The following DMD variants were observed in gnomAD, a reference collection of about 807,000 sequenced individuals.
The protein encoded by DMD is mutant dystrophin.
DMD carries 63 observed loss-of-function variants against 330.1 expected under a neutral mutation model. The observed-to-expected ratio is 0.19, with a 90% CI of 0.16 to 0.24. The LOEUF (loss-of-function observed/expected upper bound fraction) is 0.24, where lower values mean the gene tolerates loss of function less well. Among genes scored for constraint, DMD ranks in the 10% least tolerant of loss-of-function variants. The pLI, the probability that DMD is intolerant of heterozygous loss-of-function variation, is 1.00. For synonymous variants in DMD, 1,223 were observed against 959.8 expected (o/e 1.27, Z -5.07); for missense variants, 3,344 against 2,684.1 (o/e 1.25, Z -5.43).
At chrX:32,791,167 T>G (rs1027179718) in intron 7 of DMD, among the ~76,000 whole-genome samples, 2 of 111,563 alleles carry the variant, frequency 1.8e-5, no homozygotes, top group Non-Finnish European at 3.8e-5. Flanking sequence ...TTGCCCAATC[T>G]GTTGCATCCA....
At chrX:32,318,678 C>A (rs2097594519) in intron 41 of DMD, among the ~76,000 whole-genome samples, 1 of 111,427 alleles carries the variant, frequency 9.0e-6, no homozygotes, top group Admixed American at 9.6e-5. Context: ...TATTCAGAAT[C>A]AATGAACAAT....
At chrX:31,878,613 G>C (rs1446076807) in intron 47 of DMD, among the ~76,000 whole-genome samples, 1 of 112,157 alleles carries the variant, frequency 8.9e-6, no homozygotes, top group Non-Finnish European at 1.9e-5. Context: ...ATAAATGCTT[G>C]TGACTCATGT....
chrX:32,734,751 G>T (rs1275021333), intron 7 of DMD, among the ~76,000 whole-genome samples: 2 of 109,619 alleles, frequency 1.8e-5, no homozygotes, highest in Non-Finnish European at 3.8e-5. Context: ...ATTAGGTATT[G>T]ACGGGACATA....
At chrX:32,820,129 G>T (rs1195233372) in intron 5 of DMD, among the ~76,000 whole-genome samples, 1 of 112,166 alleles carries the variant, frequency 8.9e-6, no homozygotes, top group Non-Finnish European at 1.9e-5. Context: ...CATTGCAAAA[G>T]CGCCTCCACA....
intron 7 of DMD, among the ~76,000 whole-genome samples, chrX:32,705,997 C>A (rs1451870122): frequency 9.2e-6 from 1 of 108,618 alleles, no homozygotes; most frequent in Non-Finnish European, 1.9e-5. Context: ...CAATGATAGA[C>A]TGGATTAAGA....
chrX:32,779,272 A>G (rs2074472000), intron 7 of DMD, among the ~76,000 whole-genome samples: 1 of 109,050 alleles, frequency 9.2e-6, no homozygotes, highest in Admixed American at 9.9e-5. Context: ...ACAGAGAGTC[A>G]TTACTAGATG....
intron 16 of DMD, among the ~76,000 whole-genome samples, chrX:32,560,802 G>A (rs1275205600): frequency 8.9e-6 from 1 of 112,150 alleles, no homozygotes; most frequent in African/African-American, 3.2e-5. Context: ...CTATTCCATG[G>A]TGTATATGTA....
At chrX:31,904,911 T>C (rs1302253083) in intron 47 of DMD, among the ~76,000 whole-genome samples, 1 of 112,192 alleles carries the variant, frequency 8.9e-6, no homozygotes, top group Non-Finnish European at 1.9e-5. Flanking sequence ...ATACATAATA[T>C]TATAATCTTT....
chrX:32,615,637 C>T (rs1416244980), intron 11 of DMD, among the ~76,000 whole-genome samples: 1 of 111,507 alleles, frequency 9.0e-6, no homozygotes, highest in Admixed American at 9.6e-5. Context: ...ACTCTAAAAT[C>T]TTTACTGGAA....
chrX:31,575,638 G>T (rs904871126), intron 55 of DMD, among the ~76,000 whole-genome samples: 7 of 111,851 alleles, frequency 6.3e-5, no homozygotes, highest in Non-Finnish European at 1.3e-4. Context: ...TTTGTGTGAA[G>T]GTAAGTAAGT....
At chrX:31,886,635 C>A (rs1171568833) in intron 47 of DMD, among the ~76,000 whole-genome samples, 1 of 111,585 alleles carries the variant, frequency 9.0e-6, no homozygotes, top group Non-Finnish European at 1.9e-5. Flanking sequence ...CTATCTTGCA[C>A]TGCAATACAA....
chrX:31,229,465 C>T (rs2404500), intron 63 of DMD, among the ~76,000 whole-genome samples: 22,383 of 110,795 alleles, frequency 0.2, 2,669 homozygotes, highest in African/African-American at 0.46. Flanking sequence ...CTAGAAAGAA[C>T]AATAATGACC....
At chrX:31,932,538 G>A (rs1363833770) in intron 45 of DMD, among the ~76,000 whole-genome samples, 1 of 111,633 alleles carries the variant, frequency 9.0e-6, no homozygotes, top group Non-Finnish European at 1.9e-5. Flanking sequence ...TTGAGGTCAG[G>A]AGTTTGCGAC....
chrX:32,794,940 G>A (rs181422963), intron 7 of DMD, among the ~76,000 whole-genome samples: 269 of 112,003 alleles, frequency 2.4e-3, no homozygotes, highest in Non-Finnish European at 3.9e-3. Context: ...TAATACCTAG[G>A]AGTAAGTTTA....
chrX:31,658,017 T>G lies in DMD; in HGVS notation c.8000A>C (p.Asn2667Thr), dbSNP rs371437381. Residue 2667 changes from asparagine (N) to threonine (T), a missense_variant, in exon 54 of 79, where the codon AAT (asparagine) becomes ACT (threonine). By Grantham distance (65) the Asn-to-Thr change is moderately conservative. Coordinates refer to ENST00000357033, the MANE Select transcript of DMD (RefSeq NM_004006.3). ...RKVHMITENI[N>T]ASWRSIHKRV... ...TTTATGAATGCTTCTCCAAGAGGCA[T>G]TGATATTCTCTGTTATCATGTGGAC... The G allele has an allele frequency of 8.3e-7, 1 of 1,210,765 alleles. No homozygotes were observed. Among genetic ancestry groups the G allele is most frequent in the East Asian group, 3.0e-5 (1 of 33,846 alleles).
chrX:32,226,269 T>G (rs949151214), intron 43 of DMD, among the ~76,000 whole-genome samples: 2 of 111,927 alleles, frequency 1.8e-5, no homozygotes, highest in African/African-American at 6.5e-5. Context: ...ATAGAAAATC[T>G]GAAAATTTTC....
rs781041989 is a variant in DMD, at chrX:33,174,530, A to C, written c.31+36752T>G. Reference sequence around the variant, plus strand: ...ATTTACAAGGCTTATATTTGCATATATTAACTTAATGCAATACATAACAAC... The same window carrying C: ...ATTTACAAGGCTTATATTTGCATATCTTAACTTAATGCAATACATAACAAC... On this transcript the variant is annotated intron_variant, in intron 1 of 78. Coordinates refer to ENST00000357033, the MANE Select transcript of DMD (RefSeq NM_004006.3). Among the ~76,000 whole-genome samples, 18 of 111,694 alleles carry C rather than the reference A, an allele frequency of 1.6e-4. No homozygotes were observed. In the East Asian group the frequency reaches 5.1e-3, roughly 32 times the overall value.
At chrX:32,906,553 G>A (rs1254854394) in intron 2 of DMD, among the ~76,000 whole-genome samples, 1 of 112,122 alleles carries the variant, frequency 8.9e-6, no homozygotes, top group African/African-American at 3.2e-5. Context: ...GAGCTAGCTT[G>A]CCTGGAGCTA....
chrX:32,133,427 C>G (rs1021268540), intron 44 of DMD, among the ~76,000 whole-genome samples: 8 of 111,470 alleles, frequency 7.2e-5, no homozygotes, highest in African/African-American at 9.8e-5. Context: ...AATCTGATAT[C>G]ACAGCTTTAA....
Sources: allele counts gnomAD v4.1 joint callset (sites outside exome capture counted in the v4.1 genomes callset), GRCh38; gene constraint gnomAD v4.1.1; transcripts MANE v1.5; gene names NCBI Gene and HGNC (gene_info 2026-07-23, HGNC 2026-07-21).